METTL3: variants seen among roughly 807,000 people sequenced by gnomAD.
The protein encoded by METTL3 is methyltransferase 3, N6-adenosine-methyltransferase complex catalytic subunit.
In METTL3, 42 loss-of-function variants were observed where a neutral mutation model predicts 64.3. The observed-to-expected ratio is 0.65, with a 90% CI of 0.51 to 0.84. METTL3 has a LOEUF of 0.84. Ranked by LOEUF, METTL3 falls within the 40% of genes least tolerant of loss-of-function variation. The pLI is 0.00. For synonymous variants in METTL3, 256 were observed against 263.6 expected (o/e 0.97, Z 0.28); for missense variants, 435 against 722.3 (o/e 0.60, Z 4.56).
At position 21,511,129 on chromosome 14, in the gene METTL3, T is replaced by G. The variant is rs766016498; in HGVS notation, c.95A>C (p.His32Pro). ...LQRRRKQDSG[H>P]LDLRNPEAAL... ...CCAACAGCCCAGTGCCTCACCCAAG[T>G]GCCCCGAGTCCTGCTTCCGCCTCCG... The change falls in exon 1 of 11, where the codon CAC (histidine) becomes CCC (proline). Residue 32 changes from histidine to proline, a missense_variant. Physicochemically the swap from His to Pro is moderately conservative, Grantham distance 77. Coordinates refer to ENST00000298717, the MANE Select transcript of METTL3 (RefSeq NM_019852.5). 2.5e-6 allele frequency: 4 copies of G among 1,614,004 alleles called. No individual in the cohort carries two copies. The highest frequency in any genetic ancestry group is 3.4e-6 in the Non-Finnish European group (4 of 1,179,952).
chr14:21,498,263 A>T lies in METTL3; in HGVS notation c.1738T>A (p.Leu580Ile). ...PDGIISKPKN[L>I] ...AGCTCTGTAAGGAAGTGCTTCTATA[A>T]ATTCTTAGGTTTAGAGATGATACCA... Residue 580 changes from leucine to isoleucine, a missense_variant, in exon 11 of 11, where the codon TTA (leucine) becomes ATA (isoleucine). Coordinates refer to ENST00000298717, the MANE Select transcript of METTL3 (RefSeq NM_019852.5). 6.3e-7 allele frequency: 1 copy of T among 1,575,892 alleles called. No homozygotes were observed. Among genetic ancestry groups the T allele is most frequent in the South Asian group, 1.1e-5 (1 of 90,238 alleles).
At chr14:21,504,543 A>G (rs1277343780) in intron 1 of METTL3, 2 of 152,336 alleles carry the variant, frequency 1.3e-5, no homozygotes, top group African/African-American at 2.4e-5. Flanking sequence ...GTTAATTAAA[A>G]TATAGATGAA....
chr14:21,510,837 C>A, intron 1 of METTL3: 1 of 380,586 alleles, frequency 2.6e-6, no homozygotes, highest in Non-Finnish European at 4.8e-6. Context: ...CTCACAAAGG[C>A]GACGTCCTCG....
At chr14:21,506,319 A>C (rs895741669) in intron 1 of METTL3, among the ~76,000 whole-genome samples, 3 of 151,712 alleles carry the variant, frequency 2.0e-5, no homozygotes, top group Non-Finnish European at 4.4e-5. Flanking sequence ...TTTGGGAGGC[A>C]GAGGCGGGCA....
In METTL3 at chr14:21,499,024, C is replaced by G. The variant is rs774965104; in HGVS notation, c.1631+1G>C. On this transcript the variant is annotated splice_donor_variant, in intron 10 of 10. Transcript: ENST00000298717. LOFTEE classifies it high-confidence loss of function. ...ACTAGCCTGTTCTCTGGTCACCTTA[C>G]CAGTTGGGTTGCACATTGTGTGGTC... is the stretch of plus-strand genomic sequence containing the variant. 4 of 1,608,880 alleles carry G rather than the reference C, an allele frequency of 2.5e-6. No individual in the cohort carries two copies. Among genetic ancestry groups the G allele is most frequent in the Non-Finnish European group, 3.4e-6 (4 of 1,175,384 alleles).
intron 1 of METTL3, chr14:21,510,770 C>A (rs1891814216): frequency 4.1e-6 from 1 of 244,676 alleles, no homozygotes; most frequent in Admixed American, 5.4e-5. Flanking sequence ...GAACAAAGCG[C>A]CAAAGCAGCA....
In METTL3 at chr14:21,503,574, C is replaced by T. The variant is rs1891623831; in HGVS notation, c.322G>A (p.Asp108Asn). Reference sequence around the variant, plus strand: ...ACCCCATCTTGAGTGGCAGGAGCATCTGGCTAGAGAACGAGGGGAGGTATG... The same window carrying T: ...ACCCCATCTTGAGTGGCAGGAGCATTTGGCTAGAGAACGAGGGGAGGTATG... Reference protein sequence around the residue: ...VSICLAISTPDAPATQDGVES... With the variant: ...VSICLAISTPNAPATQDGVES... The change falls in exon 3 of 11, where the codon GAT (aspartate) becomes AAT (asparagine). Residue 108 changes from aspartate to asparagine, a missense_variant. Coordinates refer to ENST00000298717, the MANE Select transcript of METTL3 (RefSeq NM_019852.5). 4 of 1,612,814 alleles carry T rather than the reference C, an allele frequency of 2.5e-6. No homozygotes were observed. The highest frequency in any genetic ancestry group is 1.1e-5 in the South Asian group (1 of 91,046).
chr14:21,506,499 A>G (rs1468778177), intron 1 of METTL3, among the ~76,000 whole-genome samples: 3 of 152,198 alleles, frequency 2.0e-5, no homozygotes, highest in African/African-American at 7.2e-5. Context: ...GCTTGCAGTG[A>G]GCCGAGATCG....
chr14:21,499,478 C>T lies in METTL3; in HGVS notation c.1452+14G>A. 6.2e-7 allele frequency: 1 copy of T among 1,609,416 alleles called. No individual in the cohort carries two copies. Among genetic ancestry groups the T allele is most frequent in the Non-Finnish European group, 8.5e-7 (1 of 1,175,714 alleles). On this transcript the variant is annotated intron_variant, in intron 8 of 10. Coordinates refer to ENST00000298717, the MANE Select transcript of METTL3 (RefSeq NM_019852.5). ...TGTGCTCCACCTATTGAATTGGGCC[C>T]CACTGCTGCTCACCAAGCAGTGTTC...
At chr14:21,502,669 T>C (rs74034930) in intron 3 of METTL3, 3,951 of 156,538 alleles carry the variant, frequency 0.025, 172 homozygotes, top group African/African-American at 0.089. Flanking sequence ...ACTCACGCAC[T>C]AGAAGTACCA....
Position 21,511,296 on chromosome 14 carries a change from T to C in METTL3, c.-73A>G. 1 of 1,538,016 alleles carries C rather than the reference T, an allele frequency of 6.5e-7. No homozygotes were observed. Among genetic ancestry groups the C allele is most frequent in the South Asian group, 1.2e-5 (1 of 82,884 alleles). Reference sequence around the variant, plus strand: ...GCACCTCCCAGCACTCGCTCCAGGATATAGCCAATTCTCACGCGGACACCC... The same window carrying C: ...GCACCTCCCAGCACTCGCTCCAGGACATAGCCAATTCTCACGCGGACACCC... On this transcript the variant is annotated 5_prime_UTR_variant, in exon 1 of 11. In the 5' UTR this introduces an upstream ATG that the reference lacks. Transcript: ENST00000298717.
In METTL3 at chr14:21,501,753, G is replaced by A. The variant is rs771400674; in HGVS notation, c.874C>T (p.Arg292Ter). The part of the protein sequence containing the change: ...EECMKASDAD[R>*]PCRKLHFRRI... ...CTGAAGTGCAGCTTGCGACAGGGTCGATCAGCATCACTGGCTTTCATGCAC... is the reference window on the plus strand; with the variant it reads ...CTGAAGTGCAGCTTGCGACAGGGTCAATCAGCATCACTGGCTTTCATGCAC... Residue 292 changes from arginine to a stop codon, truncating the protein, a stop_gained, in exon 4 of 11, where the codon CGA becomes TGA. Coordinates refer to ENST00000298717, the MANE Select transcript of METTL3 (RefSeq NM_019852.5). LOFTEE classifies it high-confidence loss of function. 20 of 1,614,160 alleles carry A rather than the reference G, an allele frequency of 1.2e-5. No homozygotes were observed. Among genetic ancestry groups the A allele is most frequent in the Non-Finnish European group, 1.7e-5 (20 of 1,180,024 alleles).
At chr14:21,500,404 G>T in intron 6 of METTL3, 91 bp downstream of exon 6, 2 of 1,275,354 alleles carry the variant, frequency 1.6e-6, no homozygotes, top group Non-Finnish European at 2.3e-6. Context: ...ACATTTAATA[G>T]TGGGGCTAGG....
chr14:21,499,465 A>G (rs1891500921), intron 8 of METTL3, 27 bp downstream of exon 8: 3 of 1,608,614 alleles, frequency 1.9e-6, no homozygotes, highest in Non-Finnish European at 2.6e-6. Flanking sequence ...TGCTCCACCT[A>G]TTGAATTGGG....
chr14:21,501,645 A>C, intron 4 of METTL3, 83 bp downstream of exon 4: 9 of 1,555,076 alleles, frequency 5.8e-6, no homozygotes, highest in South Asian at 1.1e-5. Context: ...TTACAGACAG[A>C]ACCCCAATGA....
At chr14:21,498,770 G>A in intron 10 of METTL3, 1 of 497,166 alleles carries the variant, frequency 2.0e-6, no homozygotes, top group East Asian at 3.5e-5. Context: ...TCACAGAATG[G>A]CTGAGGAAGA....
intron 1 of METTL3, among the ~76,000 whole-genome samples, chr14:21,506,649 T>C (rs1192339121): frequency 6.6e-6 from 1 of 152,082 alleles, no homozygotes; most frequent in Non-Finnish European, 1.5e-5. Flanking sequence ...AGCCAAAAGG[T>C]AGAAGTAACC....
intron 1 of METTL3, 181 bp from the exon 2 acceptor site, chr14:21,504,062 C>G (rs1353274931): frequency 3.4e-6 from 2 of 594,500 alleles, no homozygotes; most frequent in Non-Finnish European, 5.9e-6. Flanking sequence ...ACTGCTTTGT[C>G]AAGATAATAC....
rs1174464547 is a variant in METTL3 at position 21,510,872 on chromosome 14, CG to C, written c.100+251del. On this transcript the variant is annotated intron_variant, in intron 1 of 10. Coordinates refer to ENST00000298717, the MANE Select transcript of METTL3 (RefSeq NM_019852.5). ...GCAGTCTGAAGAGGAGTGGGCAAGG[CG>C]GACGAGGGTGGGGCTCAAGCGTCCG... 4 of 477,990 alleles carry C rather than the reference CG, an allele frequency of 8.4e-6. No homozygotes were observed. In the East Asian group the frequency reaches 1.6e-4, roughly 19 times the overall value. 29.6% of individuals were successfully genotyped at this position (477,990 alleles called of 1,614,324 possible). A position where few individuals can be genotyped will look rare whatever the true frequency, so the allele number is the denominator to read the frequency against.
Sources: allele counts gnomAD v4.1 joint callset (sites outside exome capture counted in the v4.1 genomes callset), GRCh38; gene constraint gnomAD v4.1.1; transcripts MANE v1.5; gene names NCBI Gene and HGNC (gene_info 2026-07-23, HGNC 2026-07-21).